The following TAFA1 variants were observed in gnomAD, a reference collection of about 807,000 sequenced individuals.
The protein encoded by TAFA1 is chemokine-like protein TAFA-1.
In TAFA1, 4 loss-of-function variants were observed where a neutral mutation model predicts 18.5. That is an observed-to-expected ratio of 0.22 (90% CI 0.11 to 0.49). The LOEUF is 0.49. Among genes scored for constraint, TAFA1 ranks in the 20% least tolerant of loss-of-function variants. The pLI, the probability that TAFA1 is intolerant of heterozygous loss-of-function variation, is 0.98. For synonymous variants in TAFA1, 56 were observed against 55.2 expected (o/e 1.01, Z -0.06); for missense variants, 147 against 169.0 (o/e 0.87, Z 0.72).
intron 3 of TAFA1, among the ~76,000 whole-genome samples, chr3:68,460,065 GTA>G (rs1281136369): frequency 2.0e-5 from 3 of 152,040 alleles, no homozygotes; most frequent in African/African-American, 7.2e-5. Context: ...CAATCTCCCA[GTA>G]TGGCTAAGAA....
At chr3:68,103,932 A>T (rs1412519013) in intron 2 of TAFA1, among the ~76,000 whole-genome samples, 1 of 152,128 alleles carries the variant, frequency 6.6e-6, no homozygotes, top group Non-Finnish European at 1.5e-5. Context: ...TAGCATCAGG[A>T]TTTGAACCCA....
At chr3:68,435,144 G>A (rs1264060564) in intron 3 of TAFA1, among the ~76,000 whole-genome samples, 1 of 152,086 alleles carries the variant, frequency 6.6e-6, no homozygotes, top group Admixed American at 6.6e-5. Flanking sequence ...CTTCTCATCA[G>A]AACTAACATC....
At chr3:68,432,310 A>G (rs1312023087) in intron 3 of TAFA1, among the ~76,000 whole-genome samples, 2 of 152,028 alleles carry the variant, frequency 1.3e-5, no homozygotes. Flanking sequence ...TGAAAAGAAT[A>G]TAGCATGGAA....
chr3:68,347,782 G>C (rs1214316940), intron 2 of TAFA1, among the ~76,000 whole-genome samples: 2 of 152,194 alleles, frequency 1.3e-5, no homozygotes, highest in Non-Finnish European at 2.9e-5. Flanking sequence ...TCTAGCAACA[G>C]TCAACTACAA....
intron 3 of TAFA1, among the ~76,000 whole-genome samples, chr3:68,425,124 A>G (rs984529288): frequency 6.6e-6 from 1 of 151,994 alleles, no homozygotes; most frequent in East Asian, 1.9e-4. Flanking sequence ...GAGAGCTTCC[A>G]GAGCAAGCCT....
chr3:68,336,384 G>A (rs367781729), intron 2 of TAFA1, among the ~76,000 whole-genome samples: 5 of 152,192 alleles, frequency 3.3e-5, no homozygotes, highest in Admixed American at 1.3e-4. Flanking sequence ...ACTTACCTCT[G>A]ATGTGCTTTT....
intron 2 of TAFA1, among the ~76,000 whole-genome samples, chr3:68,273,291 A>G (rs2067713066): frequency 6.6e-6 from 1 of 152,176 alleles, no homozygotes; most frequent in Non-Finnish European, 1.5e-5. Flanking sequence ...CAGCATGGCT[A>G]AACTTTAGCA....
chr3:68,204,352 T>G (rs1290808534), intron 2 of TAFA1, among the ~76,000 whole-genome samples: 5 of 151,794 alleles, frequency 3.3e-5, no homozygotes, highest in Admixed American at 2.0e-4. Context: ...GTAGCAGAGA[T>G]GATCATGGGA....
At chr3:68,296,506 A>G (rs1302642406) in intron 2 of TAFA1, among the ~76,000 whole-genome samples, 1 of 152,174 alleles carries the variant, frequency 6.6e-6, no homozygotes, top group African/African-American at 2.4e-5. Flanking sequence ...AACTTAATAT[A>G]TTTAGATTAT....
chr3:68,038,482 G>T (rs1705098579), intron 2 of TAFA1, among the ~76,000 whole-genome samples: 1 of 152,078 alleles, frequency 6.6e-6, no homozygotes, highest in African/African-American at 2.4e-5. Context: ...TAGAAGCCAC[G>T]TTCCTCTCTG....
intron 2 of TAFA1, among the ~76,000 whole-genome samples, chr3:68,104,200 C>T (rs1174500336): frequency 6.6e-6 from 1 of 152,056 alleles, no homozygotes; most frequent in Non-Finnish European, 1.5e-5. Context: ...TAAAAAAACT[C>T]AGATTAATAT....
chr3:68,139,150 G>A (rs1026326916), intron 2 of TAFA1, among the ~76,000 whole-genome samples: 28 of 152,250 alleles, frequency 1.8e-4, no homozygotes, highest in Non-Finnish European at 3.5e-4. Flanking sequence ...AATTTCTACT[G>A]CATTGTTATA....
chr3:67,998,994 T>A, the TAFA1 span, among the ~76,000 whole-genome samples: 1 of 152,238 alleles, frequency 6.6e-6, no homozygotes, highest in African/African-American at 2.4e-5. Flanking sequence ...AAGATCTTTC[T>A]TCTAGCTTAC....
At chr3:68,302,576 C>T (rs545689104) in intron 2 of TAFA1, among the ~76,000 whole-genome samples, 1 of 151,088 alleles carries the variant, frequency 6.6e-6, no homozygotes, top group Non-Finnish European at 1.5e-5. Flanking sequence ...TCTTTGTTCT[C>T]TTATTCATAA....
At chr3:68,019,431 C>T (rs1202303349) in intron 2 of TAFA1, among the ~76,000 whole-genome samples, 1 of 152,124 alleles carries the variant, frequency 6.6e-6, no homozygotes, top group Non-Finnish European at 1.5e-5. Flanking sequence ...ATTAGACTTG[C>T]TCTTAGTGTA....
At chr3:68,287,948 C>T (rs1408316051) in intron 2 of TAFA1, among the ~76,000 whole-genome samples, 2 of 150,256 alleles carry the variant, frequency 1.3e-5, no homozygotes, top group African/African-American at 4.9e-5. Context: ...TTCTGAGTAC[C>T]CTAAAATGAT....
chr3:68,496,533 G>A (rs536308904), intron 3 of TAFA1, among the ~76,000 whole-genome samples: 3 of 152,294 alleles, frequency 2.0e-5, no homozygotes, highest in East Asian at 1.9e-4. Flanking sequence ...AGCATCAACT[G>A]CCAGTCCTAC....
the TAFA1 span, among the ~76,000 whole-genome samples, chr3:67,994,433 C>G: frequency 6.6e-6 from 1 of 152,136 alleles, no homozygotes; most frequent in African/African-American, 2.4e-5. Flanking sequence ...ATAGGATAAT[C>G]TTGGTTTTAT....
At chr3:68,096,410 A>AG (rs1268604409) in intron 2 of TAFA1, among the ~76,000 whole-genome samples, 1 of 152,160 alleles carries the variant, frequency 6.6e-6, no homozygotes, top group Non-Finnish European at 1.5e-5. Flanking sequence ...CCCATGAATG[A>AG]ATGTTCTCAT....
Sources: gnomAD v4.1 joint callset for allele counts (sites outside exome capture counted in the v4.1 genomes callset) on GRCh38, gnomAD v4.1.1 for gene constraint, MANE v1.5 for transcripts, NCBI Gene and HGNC (gene_info 2026-07-23, HGNC 2026-07-21) for gene names.